The following MYO9B variants were observed in gnomAD, a reference collection of about 807,000 sequenced individuals.
MYO9B encodes the protein myosin IXB.
MYO9B carries 71 observed loss-of-function variants against 229.5 expected under a neutral mutation model. The ratio of observed to expected loss-of-function variants is 0.31; its 90% CI spans 0.26 to 0.38. MYO9B has a LOEUF of 0.38. Among genes scored for constraint, MYO9B ranks in the 10% least tolerant of loss-of-function variants. The pLI is 1.00. For synonymous variants in MYO9B, 1,185 were observed against 1,235.8 expected (o/e 0.96, Z 0.86); for missense variants, 2,255 against 2,920.5 (o/e 0.77, Z 5.25).
intron 15 of MYO9B, among the ~76,000 whole-genome samples, chr19:17,182,392 C>T (rs1253351486): frequency 6.6e-6 from 1 of 151,920 alleles, no homozygotes; most frequent in Non-Finnish European, 1.5e-5. Context: ...CCAGTGGGAG[C>T]CTGTTTAAAA....
rs778866085 is a variant in MYO9B, at chr19:17,119,943, C to T, written c.840+17386C>T. Among the ~76,000 whole-genome samples, 11 of 152,236 alleles carry T rather than the reference C, an allele frequency of 7.2e-5. No individual in the cohort carries two copies. In the South Asian group the frequency reaches 8.3e-4, roughly 11 times the overall value. Reference sequence around the variant, plus strand: ...GATTACAGCTATAAGCCATTGCGCCCGGCCAAGCTCGGGAGTTTGAGGTCA... The same window carrying T: ...GATTACAGCTATAAGCCATTGCGCCTGGCCAAGCTCGGGAGTTTGAGGTCA... On this transcript the variant is annotated intron_variant, in intron 2 of 39. Transcript: ENST00000682292.
chr19:17,195,164 G>A lies in MYO9B; in HGVS notation c.3737G>A (p.Gly1246Asp), dbSNP rs1423218718. Reference sequence around the variant, plus strand: ...CTGCCCAGTGGGAGCCCCAGGCCTGGCCAGTTGGAGCGGCCGACCAGCCTG... The same window carrying A: ...CTGCCCAGTGGGAGCCCCAGGCCTGACCAGTTGGAGCGGCCGACCAGCCTG... Reference protein sequence around the residue: ...KTLPSGSPRPGQLERPTSLAL... With the variant: ...KTLPSGSPRPDQLERPTSLAL... Residue 1246 changes from glycine (G) to aspartate (D), a missense_variant, in exon 22 of 40, where the codon GGC (glycine) becomes GAC (aspartate). Transcript: ENST00000682292. This position sits in a 1 kb window ranked among gnomAD's most constrained non-coding sequence, Gnocchi z 4.5. The A allele has an allele frequency of 6.2e-7, 1 of 1,610,986 alleles. No homozygotes were observed. Among genetic ancestry groups the A allele is most frequent in the African/African-American group, 1.3e-5 (1 of 74,814 alleles).
chr19:17,134,377 G>GTTTTTTTTTTTT (rs1568267173), intron 2 of MYO9B, among the ~76,000 whole-genome samples: 6 of 39,730 alleles, frequency 1.5e-4, no homozygotes, highest in African/African-American at 5.7e-4. Context: ...TTTTCGTTTT[G>GTTTTTTTTTTTT]TTTGTTTTTT....
Position 17,212,632 on chromosome 19 carries a change from G to A in MYO9B, c.*322G>A, listed in dbSNP as rs2073244775. On this transcript the variant is annotated 3_prime_UTR_variant, in exon 40 of 40. Coordinates refer to ENST00000682292, the MANE Select transcript of MYO9B (RefSeq NM_004145.4). The surrounding 1 kb of genome is among the most constrained non-coding windows in gnomAD (Gnocchi z 5.4). ...TACGTGGTTTACGTAACTTTAAACTGTAACAGCCTTAATGGAAGACCAAAT... is the reference window on the plus strand; with the variant it reads ...TACGTGGTTTACGTAACTTTAAACTATAACAGCCTTAATGGAAGACCAAAT... The A allele has an allele frequency of 2.8e-6, 1 of 355,418 alleles. No homozygotes were observed. The highest frequency in any genetic ancestry group is 5.1e-6 in the Non-Finnish European group (1 of 197,452). 22.0% of individuals were successfully genotyped at this position (355,418 alleles called of 1,614,324 possible).
chr19:17,127,013 A>ATT lies in MYO9B; in HGVS notation c.841-18369_841-18368dup, dbSNP rs71180364. ...TTTTGACATTTTTTCTCCCCTAAGC[A>ATT]TTTTTTTTTTTTTTTTCAGATGGAG... On this transcript the variant is annotated intron_variant, in intron 2 of 39. Transcript: ENST00000682292. Among the ~76,000 whole-genome samples the ATT allele has an allele frequency of 2.1e-3, 199 of 92,832 alleles. 2 individuals are homozygous for ATT. The highest frequency in any genetic ancestry group is 0.01 in the Middle Eastern group (1 of 100). 60.9% of individuals were successfully genotyped at this position (92,832 alleles called of 152,430 possible). A position where few individuals can be genotyped will look rare whatever the true frequency, so the allele number is the denominator to read the frequency against.
intron 1 of MYO9B, among the ~76,000 whole-genome samples, chr19:17,085,078 C>T (rs894724658): frequency 4.6e-5 from 7 of 152,142 alleles, no homozygotes; most frequent in Non-Finnish European, 1.0e-4. Flanking sequence ...TCTTTCTCCC[C>T]TGCCTTTGTG....
intron 2 of MYO9B, among the ~76,000 whole-genome samples, chr19:17,140,558 G>A (rs1318811786): frequency 1.3e-5 from 2 of 151,594 alleles, no homozygotes; most frequent in Admixed American, 6.6e-5. Flanking sequence ...GCACGATCTC[G>A]GCTCACCGCA....
At chr19:17,187,200 TCTC>T (rs745446831) in intron 18 of MYO9B, among the ~76,000 whole-genome samples, 3 of 152,146 alleles carry the variant, frequency 2.0e-5, no homozygotes, top group Non-Finnish European at 4.4e-5. Context: ...GCTTCTTCCT[TCTC>T]CTGTGGGCCT....
chr19:17,197,431 G>GATAGATAGATAGATAGATAGATAC (rs2073057036), intron 22 of MYO9B, among the ~76,000 whole-genome samples: 2 of 88,208 alleles, frequency 2.3e-5, no homozygotes, highest in African/African-American at 4.7e-5. Flanking sequence ...TAGATAGATA[G>GATAGATAGATAGATAGATAGATAC]ATAGATAGAT....
intron 2 of MYO9B, among the ~76,000 whole-genome samples, chr19:17,104,897 C>A (rs887736021): frequency 3.9e-5 from 6 of 152,112 alleles, no homozygotes; most frequent in East Asian, 1.9e-4. Flanking sequence ...TGACTCAACT[C>A]TACGTTGGTA....
At chr19:17,147,268 C>T (rs1211412001) in intron 3 of MYO9B, among the ~76,000 whole-genome samples, 1 of 152,170 alleles carries the variant, frequency 6.6e-6, no homozygotes, top group Non-Finnish European at 1.5e-5. Context: ...TAAGGCCAGG[C>T]GTGGTGGCTC....
intron 6 of MYO9B, among the ~76,000 whole-genome samples, chr19:17,155,776 T>C (rs903206410): frequency 1.3e-5 from 2 of 151,870 alleles, no homozygotes; most frequent in Non-Finnish European, 2.9e-5. Flanking sequence ...CCCAGCACTT[T>C]GGGAGGCCAA....
At position 17,206,654 on chromosome 19, in the gene MYO9B, C is replaced by G. The variant is rs377243954; in HGVS notation, c.5387-25C>G. The G allele has an allele frequency of 9.7e-6, 15 of 1,547,040 alleles. No homozygotes were observed. The Admixed American group carries it at 2.9e-4, about 30-fold the overall frequency. On this transcript the variant is annotated intron_variant, in intron 33 of 39. Coordinates refer to ENST00000682292, the MANE Select transcript of MYO9B (RefSeq NM_004145.4). ...CACCTTGGGGACCCTTGGGAGCTGA[C>G]GTCCTCAAACCCCACTGCCTGCAGA...
chr19:17,192,601 ATAAT>A (rs1226851593), intron 20 of MYO9B, 141 bp from the exon 21 acceptor site: 1 of 512,546 alleles, frequency 2.0e-6, no homozygotes, highest in Non-Finnish European at 2.9e-6. Flanking sequence ...TCTCAAAAAA[ATAAT>A]AAATAAATAA....
At chr19:17,173,002 C>T (rs376781252) in intron 13 of MYO9B, 39 bp downstream of exon 13, 29 of 1,585,686 alleles carry the variant, frequency 1.8e-5, no homozygotes, top group East Asian at 4.5e-5. Context: ...GCGTCACTGT[C>T]GAGAGGGGGG....
rs754330379 is a variant in MYO9B at position 17,163,140 on chromosome 19, T to C, written c.1671+18T>C. 3.0e-5 allele frequency: 46 copies of C among 1,546,384 alleles called. 1 individual carries two copies. The South Asian group carries it at 5.4e-4, about 18-fold the overall frequency. ...TGGAGCAGGTGCGGAAAGGGCTTTT[T>C]TGTCAATTTTTTGAACTTGGTAAAT... On this transcript the variant is annotated intron_variant, in intron 10 of 39. Coordinates refer to ENST00000682292, the MANE Select transcript of MYO9B (RefSeq NM_004145.4).
rs781644980 is a variant in MYO9B, at chr19:17,170,178, T to G, written c.1793+2114T>G. ...TCCCAAAGTGCTGGGACCATAGGTG[T>G]GAGCCATTACACCTGACCCTGTCTT... On this transcript the variant is annotated intron_variant, in intron 11 of 39. Coordinates refer to ENST00000682292, the MANE Select transcript of MYO9B (RefSeq NM_004145.4). Among the ~76,000 whole-genome samples the G allele has an allele frequency of 7.3e-4, 111 of 152,110 alleles. No individual in the cohort carries two copies. In the Middle Eastern group the frequency reaches 0.014, roughly 19 times the overall value.
In MYO9B at chr19:17,200,769, G is replaced by A. The variant is rs1385832244; in HGVS notation, c.4503G>A (p.Val1501=). 9 of 1,614,040 alleles carry A rather than the reference G, an allele frequency of 5.6e-6. No individual in the cohort carries two copies. Among genetic ancestry groups the A allele is most frequent in the African/African-American group, 1.3e-5 (1 of 75,068 alleles). ...ITVSEKWRES[V]FRQITNANEL... ...TGTCAGAGAAGTGGCGGGAATCGGT[G>A]TTCCGCCAGATCACCAACGCCAATG... Residue 1501 remains valine, a synonymous_variant, in exon 26 of 40, where the codon GTG becomes GTA. Transcript: ENST00000682292.
intron 8 of MYO9B, among the ~76,000 whole-genome samples, chr19:17,160,945 CGCCTCG>C (rs1300510005): frequency 6.6e-6 from 1 of 151,640 alleles, no homozygotes; most frequent in Middle Eastern, 3.2e-3. Flanking sequence ...GTGATCCACC[CGCCTCG>C]GCCTCCCAAA....
Sources: gnomAD v4.1 joint callset for allele counts (sites outside exome capture counted in the v4.1 genomes callset) on GRCh38, gnomAD v4.1.1 for gene constraint, Gnocchi (gnomAD v3.1) non-coding constraint, MANE v1.5 for transcripts, NCBI Gene and HGNC (gene_info 2026-07-23, HGNC 2026-07-21) for gene names.